LGR6: variants seen among roughly 807,000 people sequenced by gnomAD.
The protein encoded by LGR6 is leucine-rich repeat-containing G protein-coupled receptor 6.
A neutral mutation model predicts 69.4 loss-of-function variants in LGR6; 45 were observed. The ratio of observed to expected loss-of-function variants is 0.65; its 90% CI spans 0.51 to 0.83. The LOEUF is 0.83. Ranked by LOEUF, LGR6 falls within the 40% of genes least tolerant of loss-of-function variation. The probability of loss-of-function intolerance (pLI) is 0.00; values close to 1 mark genes in which losing one functional copy is unlikely to be tolerated. For missense variants in LGR6, 1,108 were observed against 1,246.7 expected (o/e 0.89, Z 1.68); for synonymous variants, 538 against 555.0 (o/e 0.97, Z 0.43).
chr1:202,293,040 A>G (rs893586637), intron 6 of LGR6, among the ~76,000 whole-genome samples: 1 of 152,224 alleles, frequency 6.6e-6, no homozygotes, highest in African/African-American at 2.4e-5. Flanking sequence ...GTATAATAGC[A>G]GTAACTGCCT....
chr1:202,315,633 T>G (rs373622050), intron 17 of LGR6, among the ~76,000 whole-genome samples: 12 of 152,348 alleles, frequency 7.9e-5, no homozygotes, highest in South Asian at 2.1e-4. Context: ...ACAGTTTGCT[T>G]CTTCTATTTC....
chr1:202,226,217 C>A (rs1211694130), intron 2 of LGR6, among the ~76,000 whole-genome samples: 1 of 152,110 alleles, frequency 6.6e-6, no homozygotes, highest in African/African-American at 2.4e-5. Flanking sequence ...GGAGCCAGGT[C>A]ATTCTGTCCC....
In LGR6 at chr1:202,270,323, A is replaced by G. The variant is rs1571932936; in HGVS notation, c.429-5983A>G. On this transcript the variant is annotated intron_variant, in intron 4 of 17. Transcript: ENST00000367278. ...AATGGCGCGATCTCGGCTCACTGCAACCTCCGCAACCAGGGTTCAAGTGAT... is the reference window on the plus strand; with the variant it reads ...AATGGCGCGATCTCGGCTCACTGCAGCCTCCGCAACCAGGGTTCAAGTGAT... 1.3e-5 allele frequency among the ~76,000 whole-genome samples: 2 copies of G among 151,516 alleles called. 1 individual carries two copies. The highest frequency in any genetic ancestry group is 4.2e-4 in the South Asian group (2 of 4,810).
At chr1:202,226,418 G>A (rs934535285) in intron 2 of LGR6, among the ~76,000 whole-genome samples, 5 of 152,026 alleles carry the variant, frequency 3.3e-5, no homozygotes, top group Admixed American at 1.3e-4. Context: ...AAGAAACTTC[G>A]CAAACTGTGA....
At chr1:202,226,425 G>A (rs566235230) in intron 2 of LGR6, among the ~76,000 whole-genome samples, 1 of 152,290 alleles carries the variant, frequency 6.6e-6, no homozygotes, top group Middle Eastern at 3.4e-3. Context: ...TTCGCAAACT[G>A]TGAGTTCCTG....
chr1:202,221,817 A>G (rs1660172529), intron 1 of LGR6, among the ~76,000 whole-genome samples: 1 of 152,214 alleles, frequency 6.6e-6, no homozygotes, highest in Non-Finnish European at 1.5e-5. Flanking sequence ...CAAGCACCCA[A>G]GGATCAAGGT....
At position 202,269,523 on chromosome 1, in the gene LGR6, G is replaced by T. The variant is rs16849847; in HGVS notation, c.429-6783G>T. ...GGACTGGCTGGAGATACTTTCTTAG[G>T]ATGAGACCATGTCATGGAAGAGACT... On this transcript the variant is annotated intron_variant, in intron 4 of 17. Coordinates refer to ENST00000367278, the MANE Select transcript of LGR6 (RefSeq NM_001017403.2). Among the ~76,000 whole-genome samples, 539 of 152,292 alleles carry T rather than the reference G, an allele frequency of 3.5e-3. 5 individuals carry two copies. The highest frequency in any genetic ancestry group is 0.012 in the African/African-American group (516 of 41,552).
chr1:202,308,956 T>C, intron 14 of LGR6, 95 bp from the exon 15 acceptor site: 6 of 1,473,414 alleles, frequency 4.1e-6, no homozygotes, highest in Non-Finnish European at 5.6e-6. Flanking sequence ...CTCCTCTTGC[T>C]TCCATCCCAG....
Position 202,306,952 on chromosome 1 carries a change from A to G in LGR6, c.1208+13A>G. The G allele has an allele frequency of 6.2e-7, 1 of 1,608,710 alleles. No homozygotes were observed. Among genetic ancestry groups the G allele is most frequent in the South Asian group, 1.1e-5 (1 of 90,990 alleles). ...CCCTGCAAGCCCTGTGAGTACCCAC[A>G]TCCAGGGGTGGGCCATGGAGGAGCC... is the stretch of plus-strand genomic sequence containing the variant. On this transcript the variant is annotated intron_variant, in intron 13 of 17. Coordinates refer to ENST00000367278, the MANE Select transcript of LGR6 (RefSeq NM_001017403.2).
At chr1:202,301,018 G>T in intron 8 of LGR6, 98 bp downstream of exon 8, 1 of 1,322,424 alleles carries the variant, frequency 7.6e-7, no homozygotes, top group South Asian at 1.3e-5. Flanking sequence ...GGAAGCACCA[G>T]GGAGGCAGAA....
intron 6 of LGR6, among the ~76,000 whole-genome samples, chr1:202,288,199 TC>T (rs892032177): frequency 3.0e-4 from 45 of 152,180 alleles, no homozygotes; most frequent in African/African-American, 1.1e-3. Flanking sequence ...ATGGTTTACT[TC>T]CTCACCTCCT....
At chr1:202,258,329 C>T (rs951992521) in intron 4 of LGR6, among the ~76,000 whole-genome samples, 8 of 151,722 alleles carry the variant, frequency 5.3e-5, no homozygotes, top group South Asian at 2.1e-4. Context: ...ATGAAGGTGC[C>T]GTCACTTCCT....
intron 4 of LGR6, among the ~76,000 whole-genome samples, chr1:202,264,825 T>C (rs548294472): frequency 3.9e-5 from 6 of 152,120 alleles, no homozygotes; most frequent in Non-Finnish European, 7.4e-5. Flanking sequence ...CTTTGATGTA[T>C]ACAAAGGAAG....
intron 4 of LGR6, among the ~76,000 whole-genome samples, chr1:202,271,015 C>T (rs1486332758): frequency 1.3e-5 from 2 of 152,186 alleles, no homozygotes; most frequent in Non-Finnish European, 2.9e-5. Context: ...TGCTAATCTG[C>T]CCCATTACTG....
intron 1 of LGR6, among the ~76,000 whole-genome samples, chr1:202,195,024 G>T (rs1220564134): frequency 6.6e-6 from 1 of 152,208 alleles, no homozygotes; most frequent in Non-Finnish European, 1.5e-5. Context: ...GGCTCTGGCT[G>T]CTCACCACCT....
At chr1:202,226,746 C>T (rs1347180691) in intron 2 of LGR6, among the ~76,000 whole-genome samples, 1 of 152,200 alleles carries the variant, frequency 6.6e-6, no homozygotes, top group East Asian at 1.9e-4. Flanking sequence ...CAGCTGTTGG[C>T]TCAGGCACCC....
At chr1:202,199,880 G>T (rs905303108) in intron 1 of LGR6, among the ~76,000 whole-genome samples, 4 of 152,176 alleles carry the variant, frequency 2.6e-5, no homozygotes, top group Non-Finnish European at 4.4e-5. Context: ...AGAAAGCAAA[G>T]GGTTTTTTAT....
intron 4 of LGR6, among the ~76,000 whole-genome samples, chr1:202,251,125 C>T (rs1193589695): frequency 2.6e-5 from 4 of 152,214 alleles, no homozygotes; most frequent in South Asian, 4.1e-4. Flanking sequence ...TCACAGATGA[C>T]GGCCTGATAT....
chr1:202,222,227 G>A (rs1469853160), intron 1 of LGR6, among the ~76,000 whole-genome samples: 1 of 152,192 alleles, frequency 6.6e-6, no homozygotes, highest in Non-Finnish European at 1.5e-5. Flanking sequence ...GCCCTGAATG[G>A]GGCTCCCTCC....
Sources: allele counts gnomAD v4.1 joint callset (sites outside exome capture counted in the v4.1 genomes callset), GRCh38; gene constraint gnomAD v4.1.1; transcripts MANE v1.5; gene names NCBI Gene and HGNC (gene_info 2026-07-23, HGNC 2026-07-21).